The following MCC variants were observed in gnomAD, a reference collection of about 807,000 sequenced individuals.
The protein encoded by MCC is colorectal mutant cancer protein.
A neutral mutation model predicts 116.2 loss-of-function variants in MCC; 90 were observed. That is an observed-to-expected ratio of 0.77 (90% confidence interval 0.65 to 0.92). The LOEUF (loss-of-function observed/expected upper bound fraction) is 0.92, where lower values mean the gene tolerates loss of function less well. MCC is among the 40% of genes least tolerant of loss of function. The pLI, the probability that MCC is intolerant of heterozygous loss-of-function variation, is 0.00. For missense variants in MCC, 1,516 were observed against 1,312.2 expected (o/e 1.16, Z -2.40); for synonymous variants, 578 against 510.5 (o/e 1.13, Z -1.78).
At chr5:113,426,638 C>T (rs1032982265) in intron 1 of MCC, among the ~76,000 whole-genome samples, 1 of 152,016 alleles carries the variant, frequency 6.6e-6, no homozygotes, top group East Asian at 1.9e-4. Flanking sequence ...TGTGAACATG[C>T]CTATATTCTA....
chr5:113,065,179 A>G (rs1753511987), intron 13 of MCC, among the ~76,000 whole-genome samples: 1 of 152,178 alleles, frequency 6.6e-6, no homozygotes, highest in Non-Finnish European at 1.5e-5. Context: ...ATGAACTCTG[A>G]TGTAAACTAT....
chr5:113,342,551 C>G (rs1424512407), intron 2 of MCC, among the ~76,000 whole-genome samples: 1 of 152,112 alleles, frequency 6.6e-6, no homozygotes, highest in African/African-American at 2.4e-5. Flanking sequence ...AAAAGTAGAA[C>G]TAAAGGAAGG....
intron 3 of MCC, among the ~76,000 whole-genome samples, chr5:113,240,868 C>T (rs1764338305): frequency 6.6e-6 from 1 of 152,146 alleles, no homozygotes. Flanking sequence ...CCCTTATTCA[C>T]AAAATAAGGA....
chr5:113,087,336 C>T lies in MCC; in HGVS notation c.1399-2026G>A, dbSNP rs1328447166. Among the ~76,000 whole-genome samples, 3 of 152,164 alleles carry T rather than the reference C, an allele frequency of 2.0e-5. No homozygotes were observed. In the East Asian group the frequency reaches 5.8e-4, roughly 29 times the overall value. ...TGCCACGGTTCCAGTAACGGAGGAT[C>T]GATGGAAACGCTTGCTGTCCTCAAA... On this transcript the variant is annotated intron_variant, in intron 8 of 18. Coordinates refer to ENST00000408903, the MANE Select transcript of MCC (RefSeq NM_001085377.2).
At chr5:113,311,981 C>A in intron 3 of MCC, among the ~76,000 whole-genome samples, 1 of 152,204 alleles carries the variant, frequency 6.6e-6, no homozygotes, top group East Asian at 1.9e-4. Context: ...TGGTGGGCAC[C>A]TGTAATCCCA....
chr5:113,052,222 G>T (rs1160818422), intron 15 of MCC, among the ~76,000 whole-genome samples: 2 of 152,130 alleles, frequency 1.3e-5, no homozygotes, highest in Non-Finnish European at 2.9e-5. Context: ...TTAGTCTTTG[G>T]CCAAAAGAAA....
intron 1 of MCC, among the ~76,000 whole-genome samples, chr5:113,484,488 G>C (rs1772461284): frequency 6.6e-6 from 1 of 152,080 alleles, no homozygotes; most frequent in African/African-American, 2.4e-5. Flanking sequence ...TATGATTTCT[G>C]CCCTCAGGAA....
intron 3 of MCC, among the ~76,000 whole-genome samples, chr5:113,174,987 T>C (rs1761259812): frequency 6.6e-6 from 1 of 152,178 alleles, no homozygotes; most frequent in African/African-American, 2.4e-5. Flanking sequence ...TTGTGTATTT[T>C]ATATGAGCTT....
intron 1 of MCC, among the ~76,000 whole-genome samples, chr5:113,424,074 T>C (rs907629908): frequency 6.8e-6 from 1 of 147,752 alleles, no homozygotes; most frequent in African/African-American, 2.5e-5. Flanking sequence ...AATCTCTCAG[T>C]GAAACAGCCC....
At chr5:113,163,517 T>C (rs564298932) in intron 3 of MCC, among the ~76,000 whole-genome samples, 1 of 152,238 alleles carries the variant, frequency 6.6e-6, no homozygotes, top group South Asian at 2.1e-4. Flanking sequence ...CTGTAACCCT[T>C]AGTATGACCT....
At chr5:113,228,311 TACACACACACACCTACCATAC>T (rs920254725) in intron 3 of MCC, among the ~76,000 whole-genome samples, 3 of 151,902 alleles carry the variant, frequency 2.0e-5, no homozygotes, top group African/African-American at 7.3e-5. Flanking sequence ...AATGAGTTCT[TACACACACACACCTACCATAC>T]ACACACACAC....
chr5:113,451,680 T>G (rs1406939446), intron 1 of MCC, among the ~76,000 whole-genome samples: 2 of 152,118 alleles, frequency 1.3e-5, no homozygotes, highest in Admixed American at 6.6e-5. Flanking sequence ...GTTGCACCTT[T>G]GCACTCCAGC....
At chr5:113,404,114 G>A (rs758123323) in intron 1 of MCC, among the ~76,000 whole-genome samples, 3 of 151,988 alleles carry the variant, frequency 2.0e-5, no homozygotes, top group Non-Finnish European at 4.4e-5. Context: ...TGATCTGCCC[G>A]CCTCAGACTC....
intron 3 of MCC, among the ~76,000 whole-genome samples, chr5:113,263,952 G>A (rs1349504772): frequency 6.6e-6 from 1 of 151,712 alleles, no homozygotes; most frequent in Admixed American, 6.6e-5. Flanking sequence ...AAAAAAACAC[G>A]TGGTCAGATT....
At chr5:113,443,831 T>C (rs1771122724) in intron 1 of MCC, among the ~76,000 whole-genome samples, 1 of 152,150 alleles carries the variant, frequency 6.6e-6, no homozygotes, top group Non-Finnish European at 1.5e-5. Context: ...CAGCCTTGCA[T>C]CCCAGGTATT....
At chr5:113,379,339 T>C (rs1453374399) in intron 2 of MCC, among the ~76,000 whole-genome samples, 2 of 152,182 alleles carry the variant, frequency 1.3e-5, no homozygotes, top group Non-Finnish European at 2.9e-5. Flanking sequence ...GTTGCAAGGA[T>C]TAGAGATGAT....
At chr5:113,193,578 T>C (rs1384554648) in intron 3 of MCC, among the ~76,000 whole-genome samples, 1 of 152,192 alleles carries the variant, frequency 6.6e-6, no homozygotes, top group African/African-American at 2.4e-5. Flanking sequence ...AGGATAGTGT[T>C]TGTGTATGCG....
intron 6 of MCC, among the ~76,000 whole-genome samples, chr5:113,122,012 G>A (rs4705781): frequency 0.94 from 143,259 of 152,312 alleles, 67,876 homozygotes; most frequent in East Asian, 1. Flanking sequence ...CTGCCTACAA[G>A]GATGCAAGAA....
chr5:113,463,567 T>C (rs1272503486), intron 1 of MCC, among the ~76,000 whole-genome samples: 1 of 152,204 alleles, frequency 6.6e-6, no homozygotes, highest in Middle Eastern at 3.2e-3. Context: ...TGGGTGTACA[T>C]GGTCACATTC....
Sources: gnomAD v4.1 joint callset for allele counts (sites outside exome capture counted in the v4.1 genomes callset) on GRCh38, gnomAD v4.1.1 for gene constraint, MANE v1.5 for transcripts, NCBI Gene and HGNC (gene_info 2026-07-23, HGNC 2026-07-21) for gene names.